Variants in RHOQ observed in about 807,000 individuals in gnomAD.
RHOQ encodes ras homolog family member Q.
A neutral mutation model predicts 25.8 loss-of-function variants in RHOQ; 7 were observed. The ratio of observed to expected loss-of-function variants is 0.27; its 90% CI spans 0.15 to 0.51. The LOEUF (loss-of-function observed/expected upper bound fraction) is 0.51, where lower values mean the gene tolerates loss of function less well. Among genes scored for constraint, RHOQ ranks in the 20% least tolerant of loss-of-function variants. The probability of loss-of-function intolerance (pLI) is 0.97; values close to 1 mark genes in which losing one functional copy is unlikely to be tolerated. For missense variants in RHOQ, 165 were observed against 260.6 expected, an observed-to-expected ratio of 0.63 and a Z score of 2.53; for synonymous variants, 97 against 98.6, an observed-to-expected ratio of 0.98 and a Z score of 0.10.
intron 2 of RHOQ, among the ~76,000 whole-genome samples, chr2:46,571,167 C>G (rs1316793393): frequency 6.6e-6 from 1 of 152,210 alleles, no homozygotes; most frequent in Non-Finnish European, 1.5e-5. Flanking sequence ...CTCATTACTA[C>G]TTTTTATATT....
At chr2:46,551,835 C>T (rs1290488210) in intron 2 of RHOQ, among the ~76,000 whole-genome samples, 4 of 152,132 alleles carry the variant, frequency 2.6e-5, no homozygotes, top group South Asian at 2.1e-4. Context: ...TAAAGCATGT[C>T]GCACCTGGTA....
At chr2:46,567,819 G>T (rs971061268) in intron 2 of RHOQ, among the ~76,000 whole-genome samples, 3 of 152,106 alleles carry the variant, frequency 2.0e-5, no homozygotes, top group Admixed American at 6.5e-5. Context: ...CATTTTAGGG[G>T]GCTGAGGCAG....
intron 2 of RHOQ, among the ~76,000 whole-genome samples, chr2:46,562,139 G>A (rs1316260323): frequency 3.3e-5 from 5 of 152,056 alleles, no homozygotes; most frequent in South Asian, 2.1e-4. Flanking sequence ...GGACCTAGCC[G>A]GTTCCTATGC....
intron 2 of RHOQ, among the ~76,000 whole-genome samples, chr2:46,550,961 A>G (rs1028910615): frequency 6.6e-6 from 1 of 152,140 alleles, no homozygotes; most frequent in Non-Finnish European, 1.5e-5. Context: ...AGGGTCCCAC[A>G]CAGGAAGAGG....
At chr2:46,570,559 T>C (rs1668880108) in intron 2 of RHOQ, among the ~76,000 whole-genome samples, 1 of 152,244 alleles carries the variant, frequency 6.6e-6, no homozygotes, top group Non-Finnish European at 1.5e-5. Context: ...TCTCAGAAGC[T>C]GGCTTCATGA....
rs77695949 is a variant in RHOQ, at chr2:46,584,626, T to C, written c.*3543T>C. 5.3e-5 allele frequency among the ~76,000 whole-genome samples: 8 copies of C among 152,298 alleles called. No individual in the cohort carries two copies. In the East Asian group the frequency reaches 1.5e-3, roughly 29 times the overall value. The stretch of plus-strand genomic sequence containing the variant: ...TTGGAACACTTGGTTATTCATGTTA[T>C]GTAAATCAAGAAGTGCATGCCATCA... On this transcript the variant is annotated 3_prime_UTR_variant, in exon 5 of 5. Coordinates refer to ENST00000238738, the MANE Select transcript of RHOQ (RefSeq NM_012249.4).
intron 2 of RHOQ, among the ~76,000 whole-genome samples, chr2:46,575,663 C>T (rs985261278): frequency 1.3e-5 from 2 of 152,106 alleles, no homozygotes; most frequent in African/African-American, 2.4e-5. Context: ...ATTGTTGTTA[C>T]AAGGATTAAA....
At chr2:46,570,469 G>A (rs2104018144) in intron 2 of RHOQ, among the ~76,000 whole-genome samples, 1 of 152,078 alleles carries the variant, frequency 6.6e-6, no homozygotes, top group African/African-American at 2.4e-5. Context: ...AAGAAATGAG[G>A]TTTCATAGGC....
At chr2:46,570,851 A>G (rs139461448) in intron 2 of RHOQ, among the ~76,000 whole-genome samples, 1 of 152,268 alleles carries the variant, frequency 6.6e-6, no homozygotes, top group Non-Finnish European at 1.5e-5. Flanking sequence ...CCCTTGTTCT[A>G]GGTTGTTTCT....
chr2:46,562,294 G>C (rs1470924651), intron 2 of RHOQ, among the ~76,000 whole-genome samples: 2 of 151,948 alleles, frequency 1.3e-5, no homozygotes, highest in Non-Finnish European at 2.9e-5. Context: ...CCTGGAGAAA[G>C]AGAGGAATGA....
chr2:46,560,560 A>T (rs1158495215), intron 2 of RHOQ: 1 of 455,894 alleles, frequency 2.2e-6, no homozygotes, highest in African/African-American at 2.0e-5. Context: ...CTGGGAGGAG[A>T]TTTCTGTTTC....
Position 46,542,795 on chromosome 2 carries a change from G to T in RHOQ, c.-252G>T. ...GGGGAGAGGGCGCGGGCGCCGAGTG[G>T]CGGGGGCAGCGGGCGGGCGCGGCGA... On this transcript the variant is annotated 5_prime_UTR_variant, in exon 1 of 5. Transcript: ENST00000238738. The T allele has an allele frequency of 6.8e-6, 1 of 146,986 alleles. No individual in the cohort carries two copies. The highest frequency in any genetic ancestry group is 1.8e-4 in the South Asian group (1 of 5,530). 9.1% of individuals were successfully genotyped at this position (146,986 alleles called of 1,614,324 possible).
At position 46,555,436 on chromosome 2, in the gene RHOQ, G is replaced by T. The variant is rs1469267033; in HGVS notation, c.201+11624G>T. Among the ~76,000 whole-genome samples, 1 of 152,212 alleles carries T rather than the reference G, an allele frequency of 6.6e-6. No individual in the cohort carries two copies. Among genetic ancestry groups the T allele is most frequent in the Non-Finnish European group, 1.5e-5 (1 of 68,044 alleles). ...TGTGTGTTAAATTTAGGGGAGTCTG[G>T]TGGTAAGATTATTATGGAAAGAACC... On this transcript the variant is annotated intron_variant, in intron 2 of 4. Transcript: ENST00000238738. This position sits in a 1 kb window ranked among gnomAD's most constrained non-coding sequence, Gnocchi z 4.3.
In RHOQ at chr2:46,581,105, G is replaced by A. The variant is rs376417203; in HGVS notation, c.*22G>A. The A allele has an allele frequency of 1.2e-6, 1 of 816,710 alleles. No homozygotes were observed. The highest frequency in any genetic ancestry group is 1.7e-6 in the Non-Finnish European group (1 of 579,060). 50.6% of individuals were successfully genotyped at this position (816,710 alleles called of 1,614,324 possible). On this transcript the variant is annotated 3_prime_UTR_variant, in exon 5 of 5. Transcript: ENST00000238738. ...GTGAGAAACATCTTCAGTGGCCAAGGAAACTGTCCATTTCTCTCAGAAAGC... is the reference window on the plus strand; with the variant it reads ...GTGAGAAACATCTTCAGTGGCCAAGAAAACTGTCCATTTCTCTCAGAAAGC...
intron 2 of RHOQ, among the ~76,000 whole-genome samples, chr2:46,549,538 A>G (rs1445533983): frequency 6.6e-6 from 1 of 152,152 alleles, no homozygotes; most frequent in Non-Finnish European, 1.5e-5. Flanking sequence ...TCAGCAGGAG[A>G]GGGACGCAGT....
At chr2:46,575,827 C>T (rs1247697145) in intron 2 of RHOQ, among the ~76,000 whole-genome samples, 2 of 152,062 alleles carry the variant, frequency 1.3e-5, no homozygotes, top group African/African-American at 2.4e-5. Context: ...TTAGTGACAG[C>T]GTTAGTGATC....
chr2:46,543,618 G>C (rs756893153), intron 1 of RHOQ, 136 bp from the exon 2 acceptor site: 1 of 731,430 alleles, frequency 1.4e-6, no homozygotes, highest in Non-Finnish European at 2.4e-6. Flanking sequence ...CACGGGAAAA[G>C]GGGGTGACAT....
In RHOQ at chr2:46,569,113, A is replaced by C. The variant is rs1420910329; in HGVS notation, c.202-6974A>C. 6.6e-6 allele frequency: 1 copy of C among 152,154 alleles called. No individual in the cohort carries two copies. The highest frequency in any genetic ancestry group is 2.4e-5 in the African/African-American group (1 of 41,418). 9.4% of individuals were successfully genotyped at this position (152,154 alleles called of 1,614,324 possible). ...ACAGAAGAAATAGCACTGGCTCCGA[A>C]GTTGTGGTTTGTCTTTTTTTGGAAA... On this transcript the variant is annotated intron_variant, in intron 2 of 4. Transcript: ENST00000238738. This position sits in a 1 kb window ranked among gnomAD's most constrained non-coding sequence, Gnocchi z 4.1.
chr2:46,560,343 T>C (rs954572758), intron 2 of RHOQ, among the ~76,000 whole-genome samples: 2 of 152,240 alleles, frequency 1.3e-5, no homozygotes, highest in Non-Finnish European at 1.5e-5. Context: ...TTACTGTACA[T>C]GTTAGAGGAT....
Sources: allele counts gnomAD v4.1 joint callset (sites outside exome capture counted in the v4.1 genomes callset), GRCh38; gene constraint gnomAD v4.1.1; non-coding constraint Gnocchi (gnomAD v3.1); transcripts MANE v1.5; gene names NCBI Gene and HGNC (gene_info 2026-07-23, HGNC 2026-07-21).